ARHGAP21: variants seen among roughly 807,000 people sequenced by gnomAD.
The protein encoded by ARHGAP21 is rho GTPase-activating protein 21.
ARHGAP21 carries 38 observed loss-of-function variants against 164.6 expected under a neutral mutation model. The observed-to-expected ratio is 0.23, with a 90% CI of 0.18 to 0.30. The LOEUF is 0.30. Ranked by LOEUF, ARHGAP21 falls within the 10% of genes least tolerant of loss-of-function variation. ARHGAP21 has a pLI of 1.00. For missense variants in ARHGAP21, 1,822 were observed against 2,370.7 expected (o/e 0.77, Z 4.81); for synonymous variants, 766 against 857.9 (o/e 0.89, Z 1.87).
rs1019202035 is a variant in ARHGAP21, at chr10:24,625,312, A to C, written c.496-2550T>G. Among the ~76,000 whole-genome samples, 160 of 150,970 alleles carry C rather than the reference A, an allele frequency of 1.1e-3. 1 individual carries two copies. Among genetic ancestry groups the C allele is most frequent in the African/African-American group, 3.7e-3 (153 of 41,246 alleles). On this transcript the variant is annotated intron_variant, in intron 7 of 25. Transcript: ENST00000396432. Reference sequence around the variant, plus strand: ...AAATGAAACAGAGAAAAAAAAAAAAAAAAAAAAAAAACCTGAAGAATAAAT... The same window carrying C: ...AAATGAAACAGAGAAAAAAAAAAAACAAAAAAAAAAACCTGAAGAATAAAT...
chr10:24,648,265 T>C (rs1420934554), intron 4 of ARHGAP21, among the ~76,000 whole-genome samples: 1 of 152,318 alleles, frequency 6.6e-6, no homozygotes, highest in Non-Finnish European at 1.5e-5. Flanking sequence ...GTTTACCACA[T>C]AGCATGAACA....
At chr10:24,657,663 GA>G (rs1330455399) in intron 4 of ARHGAP21, among the ~76,000 whole-genome samples, 1 of 106,422 alleles carries the variant, frequency 9.4e-6, no homozygotes, top group East Asian at 2.7e-4. Context: ...TGTCTGTGTA[GA>G]AAGAAGTAGA....
At chr10:24,647,205 T>G (rs1329135616) in intron 4 of ARHGAP21, among the ~76,000 whole-genome samples, 1 of 152,256 alleles carries the variant, frequency 6.6e-6, no homozygotes, top group African/African-American at 2.4e-5. Flanking sequence ...CAATGCTACT[T>G]GAATCCAGTT....
intron 2 of ARHGAP21, among the ~76,000 whole-genome samples, chr10:24,716,516 G>T (rs1163215141): frequency 1.3e-5 from 2 of 152,220 alleles, no homozygotes; most frequent in Non-Finnish European, 2.9e-5. Context: ...CAAGAGACCA[G>T]AATGGCTAGC....
Position 24,607,752 on chromosome 10 carries a change from A to C in ARHGAP21, c.2574T>G (p.His858Gln), listed in dbSNP as rs774875776. The change falls in exon 10 of 26, where the codon CAT (histidine) becomes CAG (glutamine). Residue 858 changes from histidine (H) to glutamine (Q), a missense_variant. By Grantham distance (24) the His-to-Gln change is conservative. Coordinates refer to ENST00000396432, the MANE Select transcript of ARHGAP21 (RefSeq NM_020824.4). ...ACCACCCTTTAGACGTACCGTGGTC[A>C]TGTGAGAGCTGACGGCGAATTAATG... The part of the protein sequence containing the change: ...SAPLIRRQLS[H>Q]DHESVGPPSL... 10 of 1,613,970 alleles carry C rather than the reference A, an allele frequency of 6.2e-6. No homozygotes were observed. In the South Asian group the frequency reaches 6.6e-5, roughly 11 times the overall value.
chr10:24,619,867 T>C lies in ARHGAP21; in HGVS notation c.2028A>G (p.Gln676=). The C allele has an allele frequency of 6.2e-7, 1 of 1,614,198 alleles. No homozygotes were observed. The highest frequency in any genetic ancestry group is 8.5e-7 in the Non-Finnish European group (1 of 1,180,022). Reference sequence around the variant, plus strand: ...AAGAGGGGGATTTCCCAGTCTCCACTTGCTGATCGGGGGCACTGTCAGTCC... The same window carrying C: ...AAGAGGGGGATTTCCCAGTCTCCACCTGCTGATCGGGGGCACTGTCAGTCC... ...WVRTDSAPDQ[Q]VETGKSPSLS... is the part of the protein sequence containing the mutation. Residue 676 remains glutamine, a synonymous_variant, in exon 9 of 26, where the codon CAA becomes CAG. Coordinates refer to ENST00000396432, the MANE Select transcript of ARHGAP21 (RefSeq NM_020824.4).
chr10:24,588,347 C>CTATTATTTTAGCAGCTT (rs2076189586), intron 25 of ARHGAP21, among the ~76,000 whole-genome samples: 1 of 142,814 alleles, frequency 7.0e-6, no homozygotes, highest in Admixed American at 7.0e-5. Context: ...ATTGATGAAT[C>CTATTATTTTAGCAGCTT]TAGGGTAAAG....
intron 17 of ARHGAP21, chr10:24,596,262 C>G: frequency 2.2e-6 from 1 of 457,720 alleles, no homozygotes; most frequent in Non-Finnish European, 3.8e-6. Context: ...AGAGGGACCC[C>G]CAGAGAGATA....
intron 11 of ARHGAP21, among the ~76,000 whole-genome samples, chr10:24,606,521 C>T (rs2077033196): frequency 6.6e-6 from 1 of 152,060 alleles, no homozygotes; most frequent in African/African-American, 2.4e-5. Context: ...AGTGTAACAG[C>T]AGAGGCTTTT....
intron 2 of ARHGAP21, among the ~76,000 whole-genome samples, chr10:24,715,037 AAAAGAAAAG>A (rs1169431438): frequency 1.3e-5 from 2 of 151,508 alleles, no homozygotes; most frequent in South Asian, 2.1e-4. Context: ...CTCAAAAAAA[AAAAGAAAAG>A]AAAAGAAAAG....
chr10:24,635,069 G>A lies in ARHGAP21; in HGVS notation c.303C>T (p.Thr101=). The change falls in exon 5 of 26, where the codon ACC becomes ACT. Residue 101 remains threonine (T), a synonymous_variant. Transcript: ENST00000396432. The stretch of plus-strand genomic sequence containing the variant: ...CTTCTTTAACTTGCTTAACAAATAT[G>A]GTATCCATTGGTTCCAAGCGGTTTC... ...KQRNRLEPMD[T]IFVKQVKEGG... is the part of the protein sequence containing the mutation. 6.2e-7 allele frequency: 1 copy of A among 1,601,934 alleles called. No homozygotes were observed. Among genetic ancestry groups the A allele is most frequent in the Non-Finnish European group, 8.5e-7 (1 of 1,175,166 alleles).
chr10:24,699,722 C>T (rs965861132), intron 2 of ARHGAP21, among the ~76,000 whole-genome samples: 3 of 152,224 alleles, frequency 2.0e-5, no homozygotes, highest in African/African-American at 7.2e-5. Flanking sequence ...GTCTCACTCC[C>T]TGGGCCTGCG....
chr10:24,655,650 G>A (rs997448045), intron 4 of ARHGAP21, among the ~76,000 whole-genome samples: 3 of 148,534 alleles, frequency 2.0e-5, no homozygotes, highest in Non-Finnish European at 3.0e-5. Flanking sequence ...TCTGGGAAGT[G>A]AGGAGTGTCT....
rs1055763371 is a variant in ARHGAP21 at position 24,721,951 on chromosome 10, G to A, written c.-52C>T. ...AAATCCTTTGGAGTCCACATTGGAC[G>A]TGGCGGGGAATGCCACCACACACCC... is the stretch of plus-strand genomic sequence containing the variant. On this transcript the variant is annotated 5_prime_UTR_variant, in exon 2 of 26. The change creates a new upstream start codon in the 5' untranslated region. Transcript: ENST00000396432. 1 of 1,591,708 alleles carries A rather than the reference G, an allele frequency of 6.3e-7. No individual in the cohort carries two copies.
At position 24,585,648 on chromosome 10, in the gene ARHGAP21, G is replaced by C. The variant is rs777570601; in HGVS notation, c.4641C>G (p.Gly1547=). ...CCTGGGAAGACGTGCTGAGCAAAGT[G>C]CCAGAGTCAGAGCCTGTCTCTTCAA... The part of the protein sequence containing the change: ...SHLEETGSDS[G]TLLSTSSQAS... Residue 1547 remains glycine (G), a synonymous_variant, in exon 26 of 26, where the codon GGC becomes GGG. Coordinates refer to ENST00000396432, the MANE Select transcript of ARHGAP21 (RefSeq NM_020824.4). 6.2e-7 allele frequency: 1 copy of C among 1,614,032 alleles called. No individual in the cohort carries two copies. Among genetic ancestry groups the C allele is most frequent in the Non-Finnish European group, 8.5e-7 (1 of 1,180,034 alleles).
At position 24,585,613 on chromosome 10, in the gene ARHGAP21, G is replaced by A; in HGVS notation, c.4676C>T (p.Ala1559Val). The stretch of plus-strand genomic sequence containing the variant: ...GGTTGATTTCTTCATGGAAAACCTT[G>A]CCAGGGAGGCCTGGGAAGACGTGCT... ...LLSTSSQASLARFSMKKSTSP... is the reference protein window; with the variant it reads ...LLSTSSQASLVRFSMKKSTSP... Residue 1559 changes from alanine to valine, a missense_variant, in exon 26 of 26, where the codon GCA becomes GTA. Ala to Val is a moderately conservative substitution (Grantham distance 64). Transcript: ENST00000396432. 1 of 1,614,160 alleles carries A rather than the reference G, an allele frequency of 6.2e-7. No individual in the cohort carries two copies. Among genetic ancestry groups the A allele is most frequent in the Non-Finnish European group, 8.5e-7 (1 of 1,180,038 alleles).
At chr10:24,688,960 T>C (rs1035941357) in intron 2 of ARHGAP21, among the ~76,000 whole-genome samples, 6 of 152,154 alleles carry the variant, frequency 3.9e-5, no homozygotes, top group Non-Finnish European at 5.9e-5. Context: ...TATACAAATA[T>C]TGAATACTGT....
chr10:24,656,273 C>T, intron 4 of ARHGAP21, among the ~76,000 whole-genome samples: 1 of 117,030 alleles, frequency 8.5e-6, no homozygotes, highest in African/African-American at 3.7e-5. Context: ...GCACCTCTGC[C>T]CGGCCGCCCC....
chr10:24,652,857 G>C (rs183243351), intron 4 of ARHGAP21, among the ~76,000 whole-genome samples: 1 of 152,158 alleles, frequency 6.6e-6, no homozygotes, highest in Non-Finnish European at 1.5e-5. Context: ...ACTGTTTAGC[G>C]GCATCTACTA....
Sources: gnomAD v4.1 joint callset for allele counts (sites outside exome capture counted in the v4.1 genomes callset) on GRCh38, gnomAD v4.1.1 for gene constraint, MANE v1.5 for transcripts, NCBI Gene and HGNC (gene_info 2026-07-23, HGNC 2026-07-21) for gene names.